PCSK2: variants seen among roughly 807,000 people sequenced by gnomAD.
PCSK2 encodes the protein neuroendocrine convertase 2.
Under a neutral mutation model 69.7 loss-of-function variants are expected in PCSK2, and 14 were observed. That is an observed-to-expected ratio of 0.20 (90% CI 0.13 to 0.31). The LOEUF (loss-of-function observed/expected upper bound fraction) is 0.31. Ranked by LOEUF, PCSK2 falls within the 10% of genes least tolerant of loss-of-function variation. PCSK2 has a pLI of 1.00. For missense variants in PCSK2, 544 were observed against 842.5 expected, an observed-to-expected ratio of 0.65 and a Z score of 4.39; for synonymous variants, 307 against 320.7, an observed-to-expected ratio of 0.96 and a Z score of 0.46.
At chr20:17,472,189 A>G (rs1484934722) in intron 11 of PCSK2, among the ~76,000 whole-genome samples, 3 of 152,180 alleles carry the variant, frequency 2.0e-5, no homozygotes, top group Non-Finnish European at 2.9e-5. Context: ...CCCTCTGGGC[A>G]CCCTGAGGGG....
intron 1 of PCSK2, 120 bp from the exon 2 acceptor site, chr20:17,260,120 G>A: frequency 1.5e-6 from 1 of 688,038 alleles, no homozygotes. Flanking sequence ...GTTTGCCAGT[G>A]GTTTCCTTGC....
intron 2 of PCSK2, among the ~76,000 whole-genome samples, chr20:17,302,859 C>A (rs142967945): frequency 2.0e-5 from 3 of 152,260 alleles, no homozygotes; most frequent in African/African-American, 7.2e-5. Context: ...ATTCTTGTCT[C>A]CTGTTTCTGG....
Position 17,410,301 on chromosome 20 carries a change from C to A in PCSK2, c.620+962C>A, listed in dbSNP as rs2031841028. Among the ~76,000 whole-genome samples the A allele has an allele frequency of 2.6e-5, 4 of 152,112 alleles. No homozygotes were observed. In the South Asian group the frequency reaches 8.3e-4, roughly 32 times the overall value. On this transcript the variant is annotated intron_variant, in intron 6 of 11. Transcript: ENST00000262545. Reference sequence around the variant, plus strand: ...ATGCTTCAAATTATTTCCAAATCCACATTTGTACTATTCTTTGCTGAGTAT... The same window carrying A: ...ATGCTTCAAATTATTTCCAAATCCAAATTTGTACTATTCTTTGCTGAGTAT...
chr20:17,226,901 G>C (rs1210400839), upstream of PCSK2: 1 of 149,220 alleles, frequency 6.7e-6, no homozygotes, highest in East Asian at 2.0e-4. Flanking sequence ...CCCAGGGCGG[G>C]GCCCGCCGCT....
chr20:17,322,570 T>C lies in PCSK2; in HGVS notation c.283-35757T>C, dbSNP rs144410001. 5.9e-5 allele frequency among the ~76,000 whole-genome samples: 9 copies of C among 152,348 alleles called. No individual in the cohort carries two copies. In the East Asian group the frequency reaches 1.7e-3, roughly 29 times the overall value. On this transcript the variant is annotated intron_variant, in intron 2 of 11. Coordinates refer to ENST00000262545, the MANE Select transcript of PCSK2 (RefSeq NM_002594.5). Reference sequence around the variant, plus strand: ...AAAATGCCATTGACTGAATAATTTATGAAGAACAGAAATTTATTTCTCACA... The same window carrying C: ...AAAATGCCATTGACTGAATAATTTACGAAGAACAGAAATTTATTTCTCACA...
intron 2 of PCSK2, among the ~76,000 whole-genome samples, chr20:17,344,742 A>AT (rs1313899644): frequency 6.6e-6 from 1 of 152,096 alleles, no homozygotes; most frequent in Non-Finnish European, 1.5e-5. Flanking sequence ...CATGCCAAGC[A>AT]TAAAAAATGT....
chr20:17,331,218 T>C (rs2123151627), intron 2 of PCSK2, among the ~76,000 whole-genome samples: 1 of 152,330 alleles, frequency 6.6e-6, no homozygotes, highest in East Asian at 1.9e-4. Flanking sequence ...TGGGCTGTGC[T>C]GATCACACTT....
intron 2 of PCSK2, among the ~76,000 whole-genome samples, chr20:17,270,601 G>C (rs1568578026): frequency 6.6e-6 from 1 of 152,096 alleles, no homozygotes; most frequent in African/African-American, 2.4e-5. Context: ...TTGCTTGAGA[G>C]AAAACAGGTA....
chr20:17,310,048 G>A (rs959922877), intron 2 of PCSK2, among the ~76,000 whole-genome samples: 3 of 152,052 alleles, frequency 2.0e-5, no homozygotes, highest in Non-Finnish European at 4.4e-5. Flanking sequence ...AGGCAAAGGG[G>A]GAGCAGGCAT....
intron 11 of PCSK2, among the ~76,000 whole-genome samples, chr20:17,481,248 G>A (rs2033393597): frequency 6.6e-6 from 1 of 151,988 alleles, no homozygotes; most frequent in Non-Finnish European, 1.5e-5. Flanking sequence ...CAGGCGTGGT[G>A]GCACATGCCT....
intron 2 of PCSK2, among the ~76,000 whole-genome samples, chr20:17,328,352 T>C (rs909228529): frequency 1.3e-5 from 2 of 149,460 alleles, no homozygotes; most frequent in African/African-American, 4.9e-5. Flanking sequence ...ACATACCATA[T>C]GCAATATATA....
At chr20:17,296,828 A>T (rs1447807413) in intron 2 of PCSK2, among the ~76,000 whole-genome samples, 8 of 152,226 alleles carry the variant, frequency 5.3e-5, no homozygotes, top group Non-Finnish European at 1.0e-4. Flanking sequence ...CCACAAGCCC[A>T]CTTACGACAG....
intron 1 of PCSK2, among the ~76,000 whole-genome samples, chr20:17,243,994 T>G (rs1290686109): frequency 6.6e-6 from 1 of 152,174 alleles, no homozygotes; most frequent in Admixed American, 6.5e-5. Flanking sequence ...TTAAGACAGT[T>G]GGCAACATAT....
At chr20:17,442,985 G>A (rs905697058) in intron 8 of PCSK2, among the ~76,000 whole-genome samples, 1 of 133,376 alleles carries the variant, frequency 7.5e-6, no homozygotes, top group Non-Finnish European at 1.6e-5. Flanking sequence ...CCAAGGTTTT[G>A]TTTCCCCAAA....
chr20:17,267,380 G>A (rs972848924), intron 2 of PCSK2, among the ~76,000 whole-genome samples: 1 of 152,186 alleles, frequency 6.6e-6, no homozygotes, highest in African/African-American at 2.4e-5. Flanking sequence ...AAATGCAATG[G>A]GGGAGGTATG....
intron 2 of PCSK2, among the ~76,000 whole-genome samples, chr20:17,343,215 A>T (rs982233550): frequency 6.6e-6 from 1 of 152,210 alleles, no homozygotes; most frequent in South Asian, 2.1e-4. Flanking sequence ...CACACCAACT[A>T]CATTTGGGAG....
chr20:17,355,582 T>G (rs759196028), intron 2 of PCSK2, among the ~76,000 whole-genome samples: 18 of 152,080 alleles, frequency 1.2e-4, no homozygotes, highest in Admixed American at 4.6e-4. Context: ...TGTTTCCAGG[T>G]GGAGAACTAT....
intron 1 of PCSK2, among the ~76,000 whole-genome samples, chr20:17,241,418 C>T (rs75261959): frequency 1.3e-5 from 2 of 152,058 alleles, no homozygotes; most frequent in South Asian, 2.1e-4. Context: ...AAGGAGGCAT[C>T]GAAGGGTACT....
intron 2 of PCSK2, among the ~76,000 whole-genome samples, chr20:17,345,171 G>T (rs1037663645): frequency 6.6e-6 from 1 of 152,130 alleles, no homozygotes; most frequent in African/African-American, 2.4e-5. Context: ...GTGCTCAGGG[G>T]AGGTGATATG....
Sources: gnomAD v4.1 joint callset for allele counts (sites outside exome capture counted in the v4.1 genomes callset) on GRCh38, gnomAD v4.1.1 for gene constraint, MANE v1.5 for transcripts, NCBI Gene and HGNC (gene_info 2026-07-23, HGNC 2026-07-21) for gene names.